The following NOTCH2 variants were observed in gnomAD, a reference collection of about 807,000 sequenced individuals.
The protein encoded by NOTCH2 is notch receptor 2.
Under a neutral mutation model 235.8 loss-of-function variants are expected in NOTCH2, and 29 were observed. That is an observed-to-expected ratio of 0.12 (90% CI 0.09 to 0.17). The LOEUF (loss-of-function observed/expected upper bound fraction) is 0.17, where lower values mean the gene tolerates loss of function less well. NOTCH2 is among the 10% of genes least tolerant of loss of function. The pLI is 1.00. For synonymous variants in NOTCH2, 1,086 were observed against 1,141.5 expected, an observed-to-expected ratio of 0.95 and a Z score of 0.98; for missense variants, 2,285 against 3,150.2, an observed-to-expected ratio of 0.73 and a Z score of 6.57.
chr1:119,952,312 G>A (rs1650509954), intron 14 of NOTCH2, among the ~76,000 whole-genome samples: 2 of 152,128 alleles, frequency 1.3e-5, no homozygotes, highest in Non-Finnish European at 2.9e-5. Flanking sequence ...GGGTTGGGGG[G>A]ATGATTTTAG....
chr1:120,068,925 C>T (rs587614241), intron 1 of NOTCH2: 9 of 828,930 alleles, frequency 1.1e-5, no homozygotes, highest in South Asian at 7.2e-5. Context: ...CCGCTCTCCA[C>T]GCCAGAATCT....
At chr1:119,942,630 T>TA (rs1298463907) in intron 17 of NOTCH2, among the ~76,000 whole-genome samples, 1 of 152,212 alleles carries the variant, frequency 6.6e-6, no homozygotes, top group Non-Finnish European at 1.5e-5. Context: ...ATAATTTCCA[T>TA]AGCATCTTTC....
chr1:119,988,211 C>T (rs1300709025), intron 4 of NOTCH2, among the ~76,000 whole-genome samples: 1 of 152,056 alleles, frequency 6.6e-6, no homozygotes, highest in Admixed American at 6.6e-5. Flanking sequence ...TTGCTTTATT[C>T]CTTACCATAA....
At chr1:119,999,967 G>GAA (rs1242675010) in intron 3 of NOTCH2, among the ~76,000 whole-genome samples, 2 of 116,736 alleles carry the variant, frequency 1.7e-5, no homozygotes, top group Non-Finnish European at 3.3e-5. Flanking sequence ...AAGAAAGAAA[G>GAA]AAAGAAAGAA....
At chr1:119,919,018 A>C (rs921186752) in intron 31 of NOTCH2, among the ~76,000 whole-genome samples, 6 of 152,140 alleles carry the variant, frequency 3.9e-5, no homozygotes, top group Non-Finnish European at 5.9e-5. Flanking sequence ...ACCAGCTATC[A>C]CTCTCATCTA....
intron 3 of NOTCH2, among the ~76,000 whole-genome samples, chr1:120,001,665 G>T (rs587625770): frequency 7.2e-5 from 11 of 152,150 alleles, no homozygotes; most frequent in Admixed American, 6.6e-4. Flanking sequence ...GCAGATGTTT[G>T]TCCTTACTGG....
At position 119,921,731 on chromosome 1, in the gene NOTCH2, G is replaced by T. The variant is rs1407815488; in HGVS notation, c.5292C>A (p.Pro1764=). ...TSEHWVDDEG[P]QPKKVKAEDE... ...ACCTCACCTTTACTTTCTTTGGCTG[G>T]GGCCCTTCATCATCGACCCAGTGTT... The change falls in exon 29 of 34, where the codon CCC becomes CCA. Residue 1764 remains proline (P), a synonymous_variant. Coordinates refer to ENST00000256646, the MANE Select transcript of NOTCH2 (RefSeq NM_024408.4). The T allele has an allele frequency of 1.9e-6, 3 of 1,614,056 alleles. No individual in the cohort carries two copies. In the Admixed American group the frequency reaches 5.0e-5, roughly 27 times the overall value.
rs1655150698 is a variant in NOTCH2, at chr1:120,057,070, A to T, written c.73+12264T>A. On this transcript the variant is annotated intron_variant, in intron 1 of 33. Coordinates refer to ENST00000256646, the MANE Select transcript of NOTCH2 (RefSeq NM_024408.4). ...AGTGAACAATCCACAGGTTGCAAAG[A>T]TGATGTTCCTATTTCCTCATGAAGG... 1.7e-5 allele frequency among the ~76,000 whole-genome samples: 2 copies of T among 119,788 alleles called. 1 individual carries two copies. The highest frequency in any genetic ancestry group is 1.5e-4 in the African/African-American group (2 of 13,362). The allele number at this position is 119,788 out of a possible 152,430, so 78.6% of individuals were successfully genotyped here.
At position 119,922,249 on chromosome 1, in the gene NOTCH2, C is replaced by G. The variant is rs768765203; in HGVS notation, c.5200G>C (p.Ala1734Pro). 1 of 1,613,968 alleles carries G rather than the reference C, an allele frequency of 6.2e-7. No individual in the cohort carries two copies. The change falls in exon 28 of 34, where the codon GCT becomes CCT. Residue 1734 changes from alanine (A) to proline (P), a missense_variant. By Grantham distance (27) the Ala-to-Pro change is conservative. Transcript: ENST00000256646. Reference protein sequence around the residue: ...HKRREPVGQDAVGLKNLSVQV... With the variant: ...HKRREPVGQDPVGLKNLSVQV... ...AATGCCTCTTACTTCAGCCCCACAG[C>G]ATCCTGTCCCACTGGCTCACGACGC... is the stretch of plus-strand genomic sequence containing the variant.
chr1:119,998,522 A>G (rs1419838540), intron 3 of NOTCH2, among the ~76,000 whole-genome samples: 9 of 152,192 alleles, frequency 5.9e-5, no homozygotes, highest in African/African-American at 1.9e-4. Context: ...AAACTAAATC[A>G]TGATGGCAGG....
chr1:119,975,644 C>CA (rs11316344), intron 5 of NOTCH2, among the ~76,000 whole-genome samples: 1,657 of 99,650 alleles, frequency 0.017, 29 homozygotes, highest in African/African-American at 0.051. Context: ...GACTCCATCT[C>CA]AAAAAAAAAA....
chr1:120,063,263 T>C (rs2799231), intron 1 of NOTCH2, among the ~76,000 whole-genome samples: 33 of 152,232 alleles, frequency 2.2e-4, no homozygotes, highest in Middle Eastern at 3.4e-3. Flanking sequence ...AAAGCAGGAC[T>C]GCCAGAAATG....
Position 119,916,597 on chromosome 1 carries a change from A to T in NOTCH2, c.6125T>A (p.Met2042Lys). The change falls in exon 34 of 34, where the codon ATG becomes AAG. Residue 2042 changes from methionine (M) to lysine (K), a missense_variant. Met to Lys is a moderately conservative substitution (Grantham distance 95). Transcript: ENST00000256646. ...HFANRDITDH[M>K]DRLPRDVARD... Reference sequence around the variant, plus strand: ...AGCCACATCCCGGGGAAGACGATCCATATGGTCTGTGATGTCTCGATTGGC... The same window carrying T: ...AGCCACATCCCGGGGAAGACGATCCTTATGGTCTGTGATGTCTCGATTGGC... The T allele has an allele frequency of 6.2e-7, 1 of 1,614,208 alleles. No homozygotes were observed. The highest frequency in any genetic ancestry group is 8.5e-7 in the Non-Finnish European group (1 of 1,180,044).
intron 17 of NOTCH2, among the ~76,000 whole-genome samples, chr1:119,942,290 T>C (rs191073370): frequency 1.3e-5 from 2 of 152,332 alleles, no homozygotes; most frequent in African/African-American, 4.8e-5. Context: ...TGGAACACTT[T>C]ATACTCATAG....
At chr1:119,945,296 A>T (rs1275530177) in intron 17 of NOTCH2, among the ~76,000 whole-genome samples, 1 of 152,190 alleles carries the variant, frequency 6.6e-6, no homozygotes, top group Non-Finnish European at 1.5e-5. Flanking sequence ...ATTTCAAAAG[A>T]TGTCAGAAAA....
intron 23 of NOTCH2, 87 bp from the exon 24 acceptor site, chr1:119,926,698 G>T: frequency 9.6e-7 from 1 of 1,044,376 alleles, no homozygotes; most frequent in South Asian, 1.4e-5. Context: ...ATGGGAACTA[G>T]CCATAGGTGA....
At chr1:120,004,189 C>G (rs1236711413) in intron 3 of NOTCH2, among the ~76,000 whole-genome samples, 1 of 151,912 alleles carries the variant, frequency 6.6e-6, no homozygotes, top group African/African-American at 2.4e-5. Context: ...TAACATGGCC[C>G]TCAACTACAG....
chr1:119,924,333 C>T (rs949989166), intron 25 of NOTCH2, among the ~76,000 whole-genome samples: 1 of 152,130 alleles, frequency 6.6e-6, no homozygotes, highest in African/African-American at 2.4e-5. Context: ...AAATCCATTG[C>T]CCCCAGTAAG....
chr1:119,953,775 G>T (rs1173748122), intron 13 of NOTCH2, 87 bp from the exon 14 acceptor site: 2 of 1,148,204 alleles, frequency 1.7e-6, no homozygotes, highest in South Asian at 1.2e-5. Context: ...TGAAGAAATG[G>T]GGTAAACTGA....
Sources: allele counts gnomAD v4.1 joint callset (sites outside exome capture counted in the v4.1 genomes callset), GRCh38; gene constraint gnomAD v4.1.1; transcripts MANE v1.5; gene names NCBI Gene and HGNC (gene_info 2026-07-23, HGNC 2026-07-21).